CERT1: variants seen among roughly 807,000 people sequenced by gnomAD.
CERT1 encodes ceramide transporter 1.
CERT1 carries 31 observed loss-of-function variants against 87.9 expected under a neutral mutation model. The ratio of observed to expected loss-of-function variants is 0.35; its 90% CI spans 0.27 to 0.48. The LOEUF (loss-of-function observed/expected upper bound fraction) is 0.48. CERT1 is among the 20% of genes least tolerant of loss of function. The pLI, the probability that CERT1 is intolerant of heterozygous loss-of-function variation, is 0.99. For missense variants in CERT1, 487 were observed against 758.0 expected (o/e 0.64, Z 4.20); for synonymous variants, 289 against 250.9 (o/e 1.15, Z -1.44).
At chr5:75,435,236 TC>T (rs1272076470) in intron 3 of CERT1, among the ~76,000 whole-genome samples, 26 of 152,344 alleles carry the variant, frequency 1.7e-4, no homozygotes, top group Admixed American at 1.6e-3. Flanking sequence ...TATTAATACT[TC>T]CACTGTGTTC....
chr5:75,448,963 T>C (rs1764666989), intron 3 of CERT1, among the ~76,000 whole-genome samples: 3 of 152,200 alleles, frequency 2.0e-5, no homozygotes, highest in African/African-American at 7.2e-5. Context: ...CCTAAATTGT[T>C]AGTGGCAAAC....
intron 1 of CERT1, among the ~76,000 whole-genome samples, 160 bp from the exon 2 acceptor site, chr5:75,506,276 AG>A (rs1023522343): frequency 2.0e-5 from 3 of 152,372 alleles, no homozygotes; most frequent in Admixed American, 2.0e-4. Flanking sequence ...AAAAGTGAAA[AG>A]TTGAGATTTT....
chr5:75,424,171 G>A (rs1183527529), intron 5 of CERT1, among the ~76,000 whole-genome samples: 3 of 152,106 alleles, frequency 2.0e-5, no homozygotes, highest in Admixed American at 2.0e-4. Flanking sequence ...AAGATATCTT[G>A]TTTCTTTTAA....
intron 2 of CERT1, among the ~76,000 whole-genome samples, chr5:75,473,316 C>T (rs1765801117): frequency 6.6e-6 from 1 of 152,054 alleles, no homozygotes; most frequent in Non-Finnish European, 1.5e-5. Flanking sequence ...GAAGTCCTGG[C>T]TTCAAGTGAT....
At chr5:75,423,123 C>T (rs1263689066) in intron 5 of CERT1, among the ~76,000 whole-genome samples, 2 of 152,110 alleles carry the variant, frequency 1.3e-5, no homozygotes, top group Non-Finnish European at 2.9e-5. Flanking sequence ...GAAAAGATTC[C>T]GTGTAATGTC....
At chr5:75,429,667 G>A (rs1321517941) in intron 3 of CERT1, among the ~76,000 whole-genome samples, 1 of 152,076 alleles carries the variant, frequency 6.6e-6, no homozygotes, top group Non-Finnish European at 1.5e-5. Context: ...CTAGGTGACA[G>A]AGCAAGAAGA....
rs555891131 is a variant in CERT1, at chr5:75,385,137, T to C, written c.1418-425A>G. ...AAACATCTGATGATGTTGAGAAGTA[T>C]CTATACTTAGGAAATTTTGTGTCTA... On this transcript the variant is annotated intron_variant, in intron 13 of 16. Transcript: ENST00000643780. Among the ~76,000 whole-genome samples the C allele has an allele frequency of 2.6e-5, 4 of 152,304 alleles. No individual in the cohort carries two copies. In the South Asian group the frequency reaches 6.2e-4, roughly 24 times the overall value.
intron 11 of CERT1, among the ~76,000 whole-genome samples, chr5:75,391,274 T>A (rs1212605066): frequency 6.6e-6 from 1 of 152,202 alleles, no homozygotes; most frequent in Non-Finnish European, 1.5e-5. Context: ...CCAAAGGATA[T>A]GTTATATGTG....
chr5:75,415,573 TA>T (rs1016511710), intron 7 of CERT1, among the ~76,000 whole-genome samples: 3 of 152,134 alleles, frequency 2.0e-5, no homozygotes, highest in South Asian at 2.1e-4. Context: ...TGCAAAGGTT[TA>T]AAAAAAATTA....
chr5:75,388,960 T>A (rs2112029863), intron 12 of CERT1, among the ~76,000 whole-genome samples: 1 of 152,234 alleles, frequency 6.6e-6, no homozygotes, highest in African/African-American at 2.4e-5. Context: ...TCTTTTTCCT[T>A]AACTAAAGCT....
chr5:75,419,977 TTC>T (rs1292876274), intron 5 of CERT1, among the ~76,000 whole-genome samples: 1 of 151,654 alleles, frequency 6.6e-6, no homozygotes, highest in African/African-American at 2.4e-5. Flanking sequence ...CTAAGAGTTG[TTC>T]TTTTTTTTTT....
chr5:75,380,776 T>G lies in CERT1; in HGVS notation c.1747+296A>C, dbSNP rs1580690981. ...CTGGGCAACAGAACGAGACTCCATC[T>G]CAAAAAAAAAAAAAAAAAAAAAAGA... On this transcript the variant is annotated intron_variant, in intron 16 of 16. Coordinates refer to ENST00000643780, the MANE Select transcript of CERT1 (RefSeq NM_001379029.1). Among the ~76,000 whole-genome samples, 3 of 46,776 alleles carry G rather than the reference T, an allele frequency of 6.4e-5. No homozygotes were observed. In the Admixed American group the frequency reaches 9.5e-4, roughly 15 times the overall value. The allele number at this position is 46,776 out of a possible 152,430, so 30.7% of individuals were successfully genotyped here. A position where few individuals can be genotyped will look rare whatever the true frequency, so the allele number is the denominator to read the frequency against.
chr5:75,493,096 A>C (rs1263696035), intron 2 of CERT1, among the ~76,000 whole-genome samples: 1 of 152,218 alleles, frequency 6.6e-6, no homozygotes, highest in Admixed American at 6.5e-5. Context: ...TTGATGGGGC[A>C]TATCTTTCAG....
At chr5:75,381,595 A>G (rs145148021) in intron 15 of CERT1, among the ~76,000 whole-genome samples, 1 of 152,092 alleles carries the variant, frequency 6.6e-6, no homozygotes, top group Non-Finnish European at 1.5e-5. Context: ...CTTCCTCTTA[A>G]GTAGTAAATG....
chr5:75,382,218 T>A (rs960793327), intron 14 of CERT1, 141 bp from the exon 15 acceptor site: 5 of 703,844 alleles, frequency 7.1e-6, no homozygotes, highest in Non-Finnish European at 7.0e-6. Flanking sequence ...TACCAAATGA[T>A]TAATTATGAA....
chr5:75,508,539 G>C (rs926077586), intron 1 of CERT1, among the ~76,000 whole-genome samples: 1 of 152,082 alleles, frequency 6.6e-6, no homozygotes, highest in Non-Finnish European at 1.5e-5. Flanking sequence ...TGGAAGACAA[G>C]TTTTTTGTCT....
chr5:75,472,539 T>C (rs999148240), intron 2 of CERT1, among the ~76,000 whole-genome samples: 8 of 152,188 alleles, frequency 5.3e-5, no homozygotes, highest in East Asian at 1.9e-4. Context: ...AAGGGATTAA[T>C]ATCCGAAAAA....
At chr5:75,495,479 G>T (rs973080360) in intron 2 of CERT1, among the ~76,000 whole-genome samples, 2 of 151,918 alleles carry the variant, frequency 1.3e-5, no homozygotes, top group South Asian at 4.2e-4. Context: ...AATTACTTCA[G>T]CCCAGGAGGT....
At chr5:75,510,990 A>C in intron 1 of CERT1, 122 bp downstream of exon 1, 1 of 1,310,142 alleles carries the variant, frequency 7.6e-7, no homozygotes, top group Non-Finnish European at 1.0e-6. Context: ...CGCTGCAGCA[A>C]CACTCAGCCT....
Sources: gnomAD v4.1 joint callset for allele counts (sites outside exome capture counted in the v4.1 genomes callset) on GRCh38, gnomAD v4.1.1 for gene constraint, MANE v1.5 for transcripts, NCBI Gene and HGNC (gene_info 2026-07-23, HGNC 2026-07-21) for gene names.